Variants in MACROD2 observed in about 807,000 individuals in gnomAD.
MACROD2 encodes ADP-ribose glycohydrolase MACROD2.
A neutral mutation model predicts 70.4 loss-of-function variants in MACROD2; 36 were observed. The observed-to-expected ratio is 0.51, with a 90% confidence interval of 0.39 to 0.68. The LOEUF is 0.68. Ranked by LOEUF, MACROD2 falls within the 30% of genes least tolerant of loss-of-function variation. The probability of loss-of-function intolerance (pLI) is 0.00; values close to 1 mark genes in which losing one functional copy is unlikely to be tolerated. For missense variants in MACROD2, 496 were observed against 538.4 expected, an observed-to-expected ratio of 0.92 and a Z score of 0.78; for synonymous variants, 172 against 178.8, an observed-to-expected ratio of 0.96 and a Z score of 0.30.
At chr20:13,997,083 AT>A (rs979863535) in intron 1 of MACROD2, among the ~76,000 whole-genome samples, 3 of 150,860 alleles carry the variant, frequency 2.0e-5, no homozygotes, top group South Asian at 4.2e-4. Flanking sequence ...TGAGGAGGGA[AT>A]TTTTTTTTTC....
At chr20:14,353,131 A>G (rs2079805699) in intron 3 of MACROD2, among the ~76,000 whole-genome samples, 1 of 152,156 alleles carries the variant, frequency 6.6e-6, no homozygotes, top group African/African-American at 2.4e-5. Flanking sequence ...AAGTCCAAAT[A>G]GGGGGTCTAG....
At chr20:15,442,660 C>A (rs2046511242) in intron 7 of MACROD2, among the ~76,000 whole-genome samples, 1 of 152,086 alleles carries the variant, frequency 6.6e-6, no homozygotes, top group South Asian at 2.1e-4. Context: ...AGCTTGGGGT[C>A]TACACATCTG....
chr20:14,300,106 T>G (rs1276024457), intron 3 of MACROD2, among the ~76,000 whole-genome samples: 3 of 152,198 alleles, frequency 2.0e-5, no homozygotes, highest in African/African-American at 7.2e-5. Context: ...TACTGATAGT[T>G]TGAGTGAGGC....
chr20:14,108,742 T>C (rs1363626802), intron 3 of MACROD2, among the ~76,000 whole-genome samples: 1 of 151,996 alleles, frequency 6.6e-6, no homozygotes, highest in African/African-American at 2.4e-5. Flanking sequence ...CACCCAATGC[T>C]GGAGCACCCA....
At chr20:14,257,497 G>A (rs1164257312) in intron 3 of MACROD2, among the ~76,000 whole-genome samples, 1 of 151,956 alleles carries the variant, frequency 6.6e-6, no homozygotes, top group African/African-American at 2.4e-5. Context: ...ATAGCTTTAT[G>A]TTGTATGAAA....
chr20:14,587,728 T>C (rs979759013), intron 4 of MACROD2, among the ~76,000 whole-genome samples: 1 of 94,902 alleles, frequency 1.1e-5, no homozygotes. Context: ...TGTTGGACTA[T>C]CCCTGCATTT....
chr20:14,849,275 T>C (rs532630832), intron 5 of MACROD2, among the ~76,000 whole-genome samples: 1 of 152,352 alleles, frequency 6.6e-6, no homozygotes, highest in East Asian at 1.9e-4. Flanking sequence ...GCTTGTCATC[T>C]ACATTTTATT....
rs118079709 is a variant in MACROD2 at position 15,570,227 on chromosome 20, C to A, written c.645+70380C>A. Among the ~76,000 whole-genome samples the A allele has an allele frequency of 6.6e-5, 10 of 152,192 alleles. No individual in the cohort carries two copies. The South Asian group carries it at 2.1e-3, about 32-fold the overall frequency. ...TTGTCTTTCATATTTTTTATAATAGCCATTCAAGCAAATGTGAGGTTTTAA... is the reference window on the plus strand; with the variant it reads ...TTGTCTTTCATATTTTTTATAATAGACATTCAAGCAAATGTGAGGTTTTAA... On this transcript the variant is annotated intron_variant, in intron 8 of 17. Coordinates refer to ENST00000684519, the MANE Select transcript of MACROD2 (RefSeq NM_001351661.2).
At chr20:14,484,205 T>C (rs1445162902) in intron 3 of MACROD2, among the ~76,000 whole-genome samples, 1 of 152,216 alleles carries the variant, frequency 6.6e-6, no homozygotes, top group East Asian at 1.9e-4. Flanking sequence ...TATTTTAATA[T>C]GCATTTTAAA....
chr20:14,397,565 C>G (rs2210654), intron 3 of MACROD2, among the ~76,000 whole-genome samples: 3 of 152,162 alleles, frequency 2.0e-5, no homozygotes, highest in African/African-American at 4.8e-5. Context: ...TACAATACAT[C>G]GTTATAAATT....
chr20:15,093,167 T>C (rs1430357937), intron 5 of MACROD2, among the ~76,000 whole-genome samples: 1 of 152,170 alleles, frequency 6.6e-6, no homozygotes, highest in Non-Finnish European at 1.5e-5. Flanking sequence ...CCAAATTATC[T>C]CCCCACCAAA....
chr20:15,022,833 G>T (rs911559402), intron 5 of MACROD2: 6 of 152,096 alleles, frequency 3.9e-5, no homozygotes, highest in African/African-American at 1.4e-4. Context: ...GTCAACTTCT[G>T]ATATTTATAT....
At chr20:15,595,661 G>T (rs1268876988) in intron 8 of MACROD2, among the ~76,000 whole-genome samples, 3 of 152,000 alleles carry the variant, frequency 2.0e-5, no homozygotes, top group Non-Finnish European at 2.9e-5. Context: ...AAAATAAGAG[G>T]CATAACTGTG....
chr20:15,940,659 T>C (rs994732640), intron 12 of MACROD2, among the ~76,000 whole-genome samples: 7 of 152,224 alleles, frequency 4.6e-5, no homozygotes, highest in Non-Finnish European at 8.8e-5. Flanking sequence ...GCTCAGATGA[T>C]GATTAGCATA....
chr20:15,670,524 G>A (rs1004829049), intron 8 of MACROD2, among the ~76,000 whole-genome samples: 2 of 152,120 alleles, frequency 1.3e-5, no homozygotes, highest in East Asian at 3.9e-4. Context: ...AAAACCTCCT[G>A]ATTGCCTGTT....
intron 5 of MACROD2, among the ~76,000 whole-genome samples, chr20:14,901,542 C>T (rs1424775211): frequency 6.6e-6 from 1 of 152,062 alleles, no homozygotes; most frequent in Middle Eastern, 3.2e-3. Flanking sequence ...TTATGGTCTA[C>T]TATTTGTAAT....
At chr20:14,704,878 G>A (rs1356500997) in intron 5 of MACROD2, among the ~76,000 whole-genome samples, 1 of 152,018 alleles carries the variant, frequency 6.6e-6, no homozygotes, top group Non-Finnish European at 1.5e-5. Context: ...GCCTGGCAGG[G>A]GCTGGCTTTT....
intron 3 of MACROD2, among the ~76,000 whole-genome samples, chr20:14,237,343 T>G (rs2081885428): frequency 6.6e-6 from 1 of 151,994 alleles, no homozygotes; most frequent in South Asian, 2.1e-4. Context: ...TTTGTATATA[T>G]TATCATCTCT....
At chr20:15,722,969 A>C (rs981567987) in intron 8 of MACROD2, among the ~76,000 whole-genome samples, 2 of 152,122 alleles carry the variant, frequency 1.3e-5, no homozygotes, top group African/African-American at 4.8e-5. Flanking sequence ...ATACTTACTA[A>C]TAAGTTCATT....
Sources: gnomAD v4.1 joint callset for allele counts (sites outside exome capture counted in the v4.1 genomes callset) on GRCh38, gnomAD v4.1.1 for gene constraint, MANE v1.5 for transcripts, NCBI Gene and HGNC (gene_info 2026-07-23, HGNC 2026-07-21) for gene names.